RALGPS1: variants seen among roughly 807,000 people sequenced by gnomAD.
RALGPS1 encodes ras-specific guanine nucleotide-releasing factor RalGPS1.
A neutral mutation model predicts 78.8 loss-of-function variants in RALGPS1; 19 were observed. That is an observed-to-expected ratio of 0.24 (90% CI 0.17 to 0.35). The LOEUF (loss-of-function observed/expected upper bound fraction) is 0.35, where lower values mean the gene tolerates loss of function less well. Among genes scored for constraint, RALGPS1 ranks in the 10% least tolerant of loss-of-function variants. RALGPS1 has a pLI of 1.00. For missense variants in RALGPS1, 454 were observed against 688.3 expected (o/e 0.66, Z 3.81); for synonymous variants, 228 against 256.3 (o/e 0.89, Z 1.06).
intron 4 of RALGPS1, among the ~76,000 whole-genome samples, chr9:127,008,387 A>G (rs1412713205): frequency 6.6e-6 from 1 of 152,206 alleles, no homozygotes; most frequent in Admixed American, 6.5e-5. Context: ...GAGGACCTCT[A>G]GGCTTGTGAA....
chr9:127,207,954 A>G (rs2062024752), intron 14 of RALGPS1, among the ~76,000 whole-genome samples: 1 of 152,242 alleles, frequency 6.6e-6, no homozygotes, highest in Admixed American at 6.5e-5. Flanking sequence ...CTTTGTGAAC[A>G]CTTGAGTCTC....
At chr9:127,199,500 G>A (rs1028567777) in intron 14 of RALGPS1, among the ~76,000 whole-genome samples, 8 of 110,290 alleles carry the variant, frequency 7.3e-5, no homozygotes, top group Admixed American at 2.1e-4. Flanking sequence ...CTAGGCACTG[G>A]TGACAGGGAA....
intron 11 of RALGPS1, among the ~76,000 whole-genome samples, chr9:127,194,455 C>G (rs1272956539): frequency 6.6e-6 from 1 of 152,200 alleles, no homozygotes; most frequent in Non-Finnish European, 1.5e-5. Context: ...CTCTGTTGCC[C>G]AGGCTGGAGT....
intron 3 of RALGPS1, among the ~76,000 whole-genome samples, chr9:126,973,496 A>G (rs1011939576): frequency 1.3e-5 from 2 of 152,346 alleles, no homozygotes; most frequent in Middle Eastern, 3.4e-3. Context: ...AAAAACTTGA[A>G]GAAAGTCAGG....
intron 7 of RALGPS1, among the ~76,000 whole-genome samples, chr9:127,060,911 C>T (rs2049155723): frequency 6.6e-6 from 1 of 152,186 alleles, no homozygotes; most frequent in African/African-American, 2.4e-5. Context: ...ATTTCACCTT[C>T]AGTTTTATGA....
chr9:126,918,912 C>T (rs973689110), intron 1 of RALGPS1, among the ~76,000 whole-genome samples: 3 of 151,662 alleles, frequency 2.0e-5, no homozygotes, highest in South Asian at 2.1e-4. Flanking sequence ...TCAGGTGATC[C>T]GCCTGCCTCG....
chr9:127,008,238 G>T (rs1362454130), intron 4 of RALGPS1, among the ~76,000 whole-genome samples: 3 of 152,136 alleles, frequency 2.0e-5, no homozygotes, highest in Admixed American at 2.0e-4. Flanking sequence ...CCTGCATGAG[G>T]TATCCTGTAC....
chr9:126,927,644 C>G (rs376426346), intron 1 of RALGPS1, among the ~76,000 whole-genome samples: 2 of 152,176 alleles, frequency 1.3e-5, no homozygotes, highest in Admixed American at 6.5e-5. Flanking sequence ...GTCTCTACCC[C>G]CTTCAGCGCC....
At chr9:127,204,445 C>A (rs371481192) in intron 14 of RALGPS1, among the ~76,000 whole-genome samples, 1 of 152,058 alleles carries the variant, frequency 6.6e-6, no homozygotes, top group East Asian at 1.9e-4. Flanking sequence ...TATGAATTTC[C>A]CTCAATAGGT....
At chr9:126,935,730 C>G (rs553113564) in intron 1 of RALGPS1, among the ~76,000 whole-genome samples, 1 of 152,362 alleles carries the variant, frequency 6.6e-6, no homozygotes, top group African/African-American at 2.4e-5. Flanking sequence ...GGTTTTCTCA[C>G]ATGCTCTCTG....
chr9:126,998,006 T>C (rs1472223963), intron 4 of RALGPS1, among the ~76,000 whole-genome samples: 1 of 152,228 alleles, frequency 6.6e-6, no homozygotes, highest in Non-Finnish European at 1.5e-5. Flanking sequence ...TTACATGTTA[T>C]ACAAAAATTA....
chr9:126,976,074 G>C (rs1002952889), intron 3 of RALGPS1, among the ~76,000 whole-genome samples: 10 of 152,140 alleles, frequency 6.6e-5, no homozygotes, highest in Admixed American at 6.5e-5. Context: ...GACCACCTTT[G>C]AGTGTGTTGC....
chr9:127,108,698 C>T (rs143835595), intron 8 of RALGPS1: 82 of 1,612,398 alleles, frequency 5.1e-5, no homozygotes, highest in South Asian at 1.6e-4. Flanking sequence ...GCCAGCAGTC[C>T]GAGCCACCAG....
In RALGPS1 at chr9:127,091,760, C is replaced by T; in HGVS notation, c.610+22404C>T. On this transcript the variant is annotated intron_variant, in intron 8 of 18. Coordinates refer to ENST00000259351, the MANE Select transcript of RALGPS1 (RefSeq NM_014636.3). This position sits in a 1 kb window ranked among gnomAD's most constrained non-coding sequence, Gnocchi z 4.3. ...TCACCCGCATTGCCATGGTAGCGCC[C>T]CAGCCGCAGCTTATAATACTCGCTC... 6.2e-7 allele frequency: 1 copy of T among 1,614,118 alleles called. No homozygotes were observed. The highest frequency in any genetic ancestry group is 8.5e-7 in the Non-Finnish European group (1 of 1,180,030).
chr9:127,196,827 G>T (rs1046320174), intron 13 of RALGPS1, among the ~76,000 whole-genome samples, 196 bp downstream of exon 13: 4 of 152,202 alleles, frequency 2.6e-5, no homozygotes, highest in African/African-American at 9.6e-5. Flanking sequence ...TCCTAGCCTC[G>T]TGGGCTTCAT....
intron 4 of RALGPS1, among the ~76,000 whole-genome samples, chr9:127,002,246 C>T (rs1157946346): frequency 6.6e-6 from 1 of 152,108 alleles, no homozygotes; most frequent in African/African-American, 2.4e-5. Context: ...TGGCTTCTTT[C>T]ACTTAACATT....
intron 8 of RALGPS1, among the ~76,000 whole-genome samples, chr9:127,141,065 G>A (rs922407582): frequency 1.3e-5 from 2 of 152,198 alleles, no homozygotes; most frequent in African/African-American, 4.8e-5. Flanking sequence ...GACGTGGAGA[G>A]GGCTGTCCAG....
Position 127,183,982 on chromosome 9 carries a change from TC to T in RALGPS1, c.910+9205del, listed in dbSNP as rs1417562701. On this transcript the variant is annotated intron_variant, in intron 11 of 18. Transcript: ENST00000259351. This position sits in a 1 kb window ranked among gnomAD's most constrained non-coding sequence, Gnocchi z 4.0. Reference sequence around the variant, plus strand: ...CCAGCTCCTCACGAGTACCAGCGGCTCCCCCAGCATCTGCTGCTCCGCGCTC... The same window carrying T: ...CCAGCTCCTCACGAGTACCAGCGGCTCCCCAGCATCTGCTGCTCCGCGCTC... The T allele has an allele frequency of 2.6e-6, 4 of 1,549,984 alleles. No individual in the cohort carries two copies. Among genetic ancestry groups the T allele is most frequent in the African/African-American group, 1.4e-5 (1 of 72,918 alleles).
rs1399448113 is a variant in RALGPS1, at chr9:127,196,455, C to T, written c.1038-19C>T. The T allele has an allele frequency of 5.6e-6, 9 of 1,601,874 alleles. No homozygotes were observed. Among genetic ancestry groups the T allele is most frequent in the Non-Finnish European group, 6.8e-6 (8 of 1,171,978 alleles). On this transcript the variant is annotated intron_variant, in intron 12 of 18. Coordinates refer to ENST00000259351, the MANE Select transcript of RALGPS1 (RefSeq NM_014636.3). Reference sequence around the variant, plus strand: ...ATAGATAAGGAGCTTTGCCTTCTTTCTTCCTTTCCATTTTCCAGTATGATG... The same window carrying T: ...ATAGATAAGGAGCTTTGCCTTCTTTTTTCCTTTCCATTTTCCAGTATGATG...
Sources: gnomAD v4.1 joint callset for allele counts (sites outside exome capture counted in the v4.1 genomes callset) on GRCh38, gnomAD v4.1.1 for gene constraint, Gnocchi (gnomAD v3.1) non-coding constraint, MANE v1.5 for transcripts, NCBI Gene and HGNC (gene_info 2026-07-23, HGNC 2026-07-21) for gene names.